TASP1: variants seen among roughly 807,000 people sequenced by gnomAD.
TASP1 encodes the protein threonine aspartase 1.
TASP1 carries 16 observed loss-of-function variants against 56.6 expected under a neutral mutation model. That is an observed-to-expected ratio of 0.28 (90% CI 0.19 to 0.43). The LOEUF (loss-of-function observed/expected upper bound fraction) is 0.43, where lower values mean the gene tolerates loss of function less well. TASP1 is among the 20% of genes least tolerant of loss of function. TASP1 has a pLI of 1.00. For missense variants in TASP1, 393 were observed against 511.6 expected (o/e 0.77, Z 2.24); for synonymous variants, 179 against 184.2 (o/e 0.97, Z 0.23).
intron 11 of TASP1, among the ~76,000 whole-genome samples, chr20:13,439,501 T>G (rs920773878): frequency 6.6e-6 from 1 of 151,886 alleles, no homozygotes; most frequent in African/African-American, 2.4e-5. Context: ...CACCGGGGCC[T>G]GTTGTGGGGT....
the TASP1 span, among the ~76,000 whole-genome samples, chr20:13,307,897 AG>A: frequency 2.0e-5 from 3 of 152,244 alleles, no homozygotes; most frequent in Non-Finnish European, 4.4e-5. Flanking sequence ...TGGACAGTCC[AG>A]GGTGTGCTTT....
At position 13,437,409 on chromosome 20, in the gene TASP1, A is replaced by G. The variant is rs182949780; in HGVS notation, c.986-2255T>C. Reference sequence around the variant, plus strand: ...AAATCCACAGCCAATATTGTACTGAATGGGCAAAAACTGGAAGCATTCCCT... The same window carrying G: ...AAATCCACAGCCAATATTGTACTGAGTGGGCAAAAACTGGAAGCATTCCCT... On this transcript the variant is annotated intron_variant, in intron 11 of 13. Coordinates refer to ENST00000337743, the MANE Select transcript of TASP1 (RefSeq NM_017714.3). Among the ~76,000 whole-genome samples the G allele has an allele frequency of 3.3e-5, 5 of 152,338 alleles. No homozygotes were observed. The East Asian group carries it at 9.6e-4, about 29-fold the overall frequency.
the TASP1 span, among the ~76,000 whole-genome samples, chr20:13,331,740 G>A: frequency 6.7e-6 from 1 of 149,714 alleles, no homozygotes; most frequent in African/African-American, 2.5e-5. Context: ...TCCTCTAACA[G>A]GAAATTCCAC....
chr20:13,260,501 T>C, the TASP1 span, among the ~76,000 whole-genome samples: 2 of 152,324 alleles, frequency 1.3e-5, no homozygotes, highest in African/African-American at 4.8e-5. Flanking sequence ...GTTCTAGTCA[T>C]TGCAGATAGA....
At chr20:13,247,556 G>A in the TASP1 span, among the ~76,000 whole-genome samples, 2 of 148,782 alleles carry the variant, frequency 1.3e-5, no homozygotes, top group East Asian at 4.0e-4. Flanking sequence ...GTGTGTGTGT[G>A]TGTAGGTAGG....
chr20:13,355,270 T>TA, the TASP1 span, among the ~76,000 whole-genome samples: 1 of 152,128 alleles, frequency 6.6e-6, no homozygotes. Context: ...TATGTTATTT[T>TA]AAAAAAACTT....
rs916489402 is a variant in TASP1 at position 13,390,059 on chromosome 20, A to G, written c.*301T>C. 1.1e-5 allele frequency: 3 copies of G among 264,978 alleles called. No individual in the cohort carries two copies. Among genetic ancestry groups the G allele is most frequent in the Non-Finnish European group, 7.3e-6 (1 of 136,498 alleles). 16.4% of individuals were successfully genotyped at this position (264,978 alleles called of 1,614,324 possible). A position where few individuals can be genotyped will look rare whatever the true frequency, so the allele number is the denominator to read the frequency against. ...GCACACATTTTGTAAAGATGATTTA[A>G]CCATTCCTGGTCACACAATGAGGAG... On this transcript the variant is annotated 3_prime_UTR_variant, in exon 14 of 14. Coordinates refer to ENST00000337743, the MANE Select transcript of TASP1 (RefSeq NM_017714.3).
At chr20:13,361,712 T>G in the TASP1 span, among the ~76,000 whole-genome samples, 9 of 151,270 alleles carry the variant, frequency 5.9e-5, no homozygotes, top group Admixed American at 2.0e-4. Context: ...CCTATTCACC[T>G]TTCTCAACTA....
chr20:13,126,722 G>A, the TASP1 span: 1 of 1,613,730 alleles, frequency 6.2e-7, no homozygotes, highest in Non-Finnish European at 8.5e-7. Flanking sequence ...CTCAAGGTAA[G>A]AGGATCTGCA....
chr20:13,429,523 A>G (rs935512323), intron 12 of TASP1, among the ~76,000 whole-genome samples: 1 of 151,918 alleles, frequency 6.6e-6, no homozygotes, highest in African/African-American at 2.4e-5. Flanking sequence ...CTGAAAGCAT[A>G]TTCTGAGGTC....
At chr20:13,341,055 G>A in the TASP1 span, among the ~76,000 whole-genome samples, 1 of 152,166 alleles carries the variant, frequency 6.6e-6, no homozygotes, top group Non-Finnish European at 1.5e-5. Context: ...CCTACAGCTT[G>A]GGGAATGAGT....
the TASP1 span, among the ~76,000 whole-genome samples, chr20:13,269,934 AGGAT>A: frequency 4.4e-4 from 66 of 149,908 alleles, no homozygotes; most frequent in African/African-American, 9.8e-4. Flanking sequence ...TGTGGGTGGA[AGGAT>A]GGATGGATGG....
chr20:13,459,163 G>T (rs1194313475), intron 11 of TASP1, among the ~76,000 whole-genome samples: 1 of 152,010 alleles, frequency 6.6e-6, no homozygotes, highest in Non-Finnish European at 1.5e-5. Context: ...CCAACTCCAT[G>T]ACTTCTCAAT....
At chr20:13,591,938 A>T (rs982388753) in intron 4 of TASP1, among the ~76,000 whole-genome samples, 1 of 152,172 alleles carries the variant, frequency 6.6e-6, no homozygotes, top group Non-Finnish European at 1.5e-5. Flanking sequence ...GGCAACTACT[A>T]AAAAAATAAA....
the TASP1 span, chr20:13,239,162 AG>A: frequency 6.6e-6 from 1 of 152,260 alleles, no homozygotes; most frequent in African/African-American, 2.4e-5. Flanking sequence ...AACATTGAAC[AG>A]CAGGTATTAA....
the TASP1 span, among the ~76,000 whole-genome samples, chr20:13,319,491 G>A: frequency 1.3e-5 from 2 of 152,180 alleles, no homozygotes; most frequent in African/African-American, 2.4e-5. Context: ...ACAGTCACTC[G>A]GAGAGTGAGA....
rs369707166 is a variant in TASP1 at position 13,468,057 on chromosome 20, A to G, written c.985+15170T>C. The stretch of plus-strand genomic sequence containing the variant: ...AAAACAAAAACAAAAACAAAAAACA[A>G]AAAACAAAACCACATACACACATTT... On this transcript the variant is annotated intron_variant, in intron 11 of 13. Transcript: ENST00000337743. 7.9e-5 allele frequency among the ~76,000 whole-genome samples: 12 copies of G among 152,198 alleles called. No individual in the cohort carries two copies. In the East Asian group the frequency reaches 1.4e-3, roughly 17 times the overall value.
intron 10 of TASP1, among the ~76,000 whole-genome samples, chr20:13,513,239 T>C (rs1195698018): frequency 6.6e-6 from 1 of 152,164 alleles, no homozygotes; most frequent in Admixed American, 6.5e-5. Flanking sequence ...CAACTGATGT[T>C]TATTGAGTAC....
chr20:13,378,565 AG>A, the TASP1 span, among the ~76,000 whole-genome samples: 1 of 152,178 alleles, frequency 6.6e-6, no homozygotes, highest in Admixed American at 6.5e-5. Flanking sequence ...TTTGGGGTGG[AG>A]AGTTCTATAA....
Sources: gnomAD v4.1 joint callset for allele counts (sites outside exome capture counted in the v4.1 genomes callset) on GRCh38, gnomAD v4.1.1 for gene constraint, MANE v1.5 for transcripts, NCBI Gene and HGNC (gene_info 2026-07-23, HGNC 2026-07-21) for gene names.